The following MAB21L3 variants were observed in gnomAD, a reference collection of about 807,000 sequenced individuals.
The protein encoded by MAB21L3 is mab-21 like 3.
MAB21L3 carries 36 observed loss-of-function variants against 37.7 expected under a neutral mutation model. The ratio of observed to expected loss-of-function variants is 0.96; its 90% CI spans 0.73 to 1.26. MAB21L3 has a LOEUF of 1.26. Among genes scored for constraint, MAB21L3 ranks in the 50% most tolerant of loss-of-function variants. The pLI, the probability that MAB21L3 is intolerant of heterozygous loss-of-function variation, is 0.00. For synonymous variants in MAB21L3, 186 were observed against 176.8 expected, an observed-to-expected ratio of 1.05 and a Z score of -0.41; for missense variants, 430 against 447.3, an observed-to-expected ratio of 0.96 and a Z score of 0.35.
At chr1:116,123,139 A>G (rs1659797850) in intron 4 of MAB21L3, among the ~76,000 whole-genome samples, 1 of 152,214 alleles carries the variant, frequency 6.6e-6, no homozygotes, top group Admixed American at 6.5e-5. Flanking sequence ...GCGTGCATGC[A>G]GTGGGACATG....
chr1:116,130,573 C>G (rs1660043199), intron 7 of MAB21L3, among the ~76,000 whole-genome samples: 1 of 152,170 alleles, frequency 6.6e-6, no homozygotes, highest in Admixed American at 6.5e-5. Flanking sequence ...GGATCCTTGC[C>G]AAATCTTCAT....
chr1:116,124,266 T>C lies in MAB21L3; in HGVS notation c.390T>C (p.Asp130=). 6.2e-7 allele frequency: 1 copy of C among 1,614,190 alleles called. No individual in the cohort carries two copies. Among genetic ancestry groups the C allele is most frequent in the Non-Finnish European group, 8.5e-7 (1 of 1,180,042 alleles). Residue 130 remains aspartate (D), a synonymous_variant, in exon 5 of 8, where the codon GAT becomes GAC. Coordinates refer to ENST00000369500, the MANE Select transcript of MAB21L3 (RefSeq NM_152367.3). ...GCCTGTGGCAGTGGCATGAGACAGA[T>C]GTGAACATCGACGGAGACATTGTGC... ...MKSLWQWHET[D]VNIDGDIVPA... is the part of the protein sequence containing the mutation.
chr1:116,125,402 C>A (rs775100225), intron 5 of MAB21L3, among the ~76,000 whole-genome samples: 7 of 152,180 alleles, frequency 4.6e-5, no homozygotes, highest in Non-Finnish European at 8.8e-5. Flanking sequence ...TAGTAAATAG[C>A]TAGAAGTAAT....
Position 116,121,074 on chromosome 1 carries a change from T to C in MAB21L3, c.189+2T>C. The C allele has an allele frequency of 6.2e-7, 1 of 1,612,284 alleles. No homozygotes were observed. The highest frequency in any genetic ancestry group is 8.5e-7 in the Non-Finnish European group (1 of 1,179,064). ...GACACGTACAATGAAAATATTAAGG[T>C]AAGCAAGTCTTGCTGTCTCTAAGTG... On this transcript the variant is annotated splice_donor_variant, in intron 4 of 7. Transcript: ENST00000369500. LOFTEE classifies it high-confidence loss of function.
rs1429268447 is a variant in MAB21L3, at chr1:116,135,877, C to T, written c.*2512C>T. ...ATATAAACAGAACCAAAGACAAAAA[C>T]CACATGATTATCTCAATAGATGCAG... is the stretch of plus-strand genomic sequence containing the variant. On this transcript the variant is annotated 3_prime_UTR_variant, in exon 8 of 8. Coordinates refer to ENST00000369500, the MANE Select transcript of MAB21L3 (RefSeq NM_152367.3). Among the ~76,000 whole-genome samples, 2 of 151,166 alleles carry T rather than the reference C, an allele frequency of 1.3e-5. No individual in the cohort carries two copies. The highest frequency in any genetic ancestry group is 6.6e-5 in the Admixed American group (1 of 15,190).
rs550343049 is a variant in MAB21L3 at position 116,135,305 on chromosome 1, G to A, written c.*1940G>A. 31 of 152,082 alleles carry A rather than the reference G, an allele frequency of 2.0e-4. No homozygotes were observed. The South Asian group carries it at 5.6e-3, about 27-fold the overall frequency. The allele number at this position is 152,082 out of a possible 1,614,324, so 9.4% of individuals were successfully genotyped here. On this transcript the variant is annotated 3_prime_UTR_variant, in exon 8 of 8. Transcript: ENST00000369500. ...AAATGATAAAGGGGATATCACCACC[G>A]ATCCCACAGAAATACAAACTACCAT...
intron 3 of MAB21L3, among the ~76,000 whole-genome samples, chr1:116,115,391 TTTCC>T (rs1659558886): frequency 6.6e-6 from 1 of 151,558 alleles, no homozygotes. Flanking sequence ...TGGATTTAAC[TTTCC>T]ATTTCTTTAC....
intron 3 of MAB21L3, among the ~76,000 whole-genome samples, chr1:116,114,396 A>G (rs1659510875): frequency 6.6e-6 from 1 of 152,196 alleles, no homozygotes; most frequent in Non-Finnish European, 1.5e-5. Context: ...ATCAACAACT[A>G]TGTGATGTAC....
chr1:116,127,739 G>A, intron 6 of MAB21L3, 95 bp downstream of exon 6: 1 of 1,317,150 alleles, frequency 7.6e-7, no homozygotes, highest in Non-Finnish European at 1.0e-6. Context: ...CCGAAGGAAA[G>A]TTGAGGTGTT....
rs1659429029 is a variant in MAB21L3, at chr1:116,111,728, C to T, written c.-292C>T. ...ACCAGACGTGAGTGTTCCCTCGACT[C>T]TAAAGGGACCTGTTTACACTGACTT... is the stretch of plus-strand genomic sequence containing the variant. On this transcript the variant is annotated 5_prime_UTR_variant, in exon 2 of 8. Coordinates refer to ENST00000369500, the MANE Select transcript of MAB21L3 (RefSeq NM_152367.3). 6.6e-6 allele frequency: 1 copy of T among 151,952 alleles called. No homozygotes were observed. Among genetic ancestry groups the T allele is most frequent in the Non-Finnish European group, 1.5e-5 (1 of 68,006 alleles). The allele number at this position is 151,952 out of a possible 1,614,324, so 9.4% of individuals were successfully genotyped here.
chr1:116,126,270 ACT>A (rs1491065335), intron 5 of MAB21L3, among the ~76,000 whole-genome samples: 54 of 152,192 alleles, frequency 3.5e-4, no homozygotes, highest in Admixed American at 3.4e-3. Context: ...ACAAACAAAA[ACT>A]GTACCTTTTG....
chr1:116,119,941 G>C (rs796986527), intron 3 of MAB21L3, among the ~76,000 whole-genome samples: 3 of 152,268 alleles, frequency 2.0e-5, no homozygotes, highest in African/African-American at 7.2e-5. Context: ...GGGTCTAGAA[G>C]CAAAAGGCAG....
chr1:116,119,674 A>G (rs2101610915), intron 3 of MAB21L3, among the ~76,000 whole-genome samples: 1 of 152,298 alleles, frequency 6.6e-6, no homozygotes, highest in East Asian at 1.9e-4. Flanking sequence ...TCATGACAGC[A>G]GCTTGTAGGT....
At position 116,133,440 on chromosome 1, in the gene MAB21L3, A is replaced by G; in HGVS notation, c.*75A>G. The G allele has an allele frequency of 7.3e-7, 1 of 1,363,616 alleles. No individual in the cohort carries two copies. Among genetic ancestry groups the G allele is most frequent in the Non-Finnish European group, 1.0e-6 (1 of 967,894 alleles). The allele number at this position is 1,363,616 out of a possible 1,614,324, so 84.5% of individuals were successfully genotyped here. A position where few individuals can be genotyped will look rare whatever the true frequency, so the allele number is the denominator to read the frequency against. On this transcript the variant is annotated 3_prime_UTR_variant, in exon 8 of 8. Coordinates refer to ENST00000369500, the MANE Select transcript of MAB21L3 (RefSeq NM_152367.3). ...TTGTTCTTTGGATGGTTCCTCAGTCAGGTGCCAGGATCCTGCCTAGGAGAA... is the reference window on the plus strand; with the variant it reads ...TTGTTCTTTGGATGGTTCCTCAGTCGGGTGCCAGGATCCTGCCTAGGAGAA...
chr1:116,132,628 G>A (rs2101619720), intron 7 of MAB21L3, among the ~76,000 whole-genome samples: 1 of 152,290 alleles, frequency 6.6e-6, no homozygotes, highest in South Asian at 2.1e-4. Flanking sequence ...AGAGGGAAGA[G>A]TGAGGGCAGG....
chr1:116,117,158 CATACATAT>C (rs1553230650), intron 3 of MAB21L3, among the ~76,000 whole-genome samples: 2,928 of 86,054 alleles, frequency 0.034, 69 homozygotes, highest in African/African-American at 0.053. Context: ...TCAAAATATA[CATACATAT>C]ATATATATAT....
In MAB21L3 at chr1:116,121,315, C is replaced by A. The variant is rs189144991; in HGVS notation, c.189+243C>A. On this transcript the variant is annotated intron_variant, in intron 4 of 7. Coordinates refer to ENST00000369500, the MANE Select transcript of MAB21L3 (RefSeq NM_152367.3). The stretch of plus-strand genomic sequence containing the variant: ...CCAAGGTGGGAGGATGGCTTGAGGC[C>A]AAGAGTTTGAGACCAGCCTGGGCAA... Among the ~76,000 whole-genome samples, 219 of 151,992 alleles carry A rather than the reference C, an allele frequency of 1.4e-3. 2 individuals are homozygous for A. Among genetic ancestry groups the A allele is most frequent in the African/African-American group, 5.1e-3 (210 of 41,446 alleles).
Position 116,128,310 on chromosome 1 carries a change from A to G in MAB21L3, c.826A>G (p.Arg276Gly), listed in dbSNP as rs746283561. 1 of 1,613,402 alleles carries G rather than the reference A, an allele frequency of 6.2e-7. No individual in the cohort carries two copies. The highest frequency in any genetic ancestry group is 8.5e-7 in the Non-Finnish European group (1 of 1,179,888). The change falls in exon 7 of 8, where the codon AGG (arginine) becomes GGG (glycine). Residue 276 changes from arginine to glycine, a missense_variant. Physicochemically the swap from Arg to Gly is moderately radical, Grantham distance 125. Coordinates refer to ENST00000369500, the MANE Select transcript of MAB21L3 (RefSeq NM_152367.3). ...LKEDIWCPGN[R>G]PVITSHHLQT... ...GGAGGACATCTGGTGCCCAGGGAACAGGCCGGTTATCACGTCCCACCATCT... is the reference window on the plus strand; with the variant it reads ...GGAGGACATCTGGTGCCCAGGGAACGGGCCGGTTATCACGTCCCACCATCT...
chr1:116,113,332 A>G (rs922330305), intron 3 of MAB21L3, among the ~76,000 whole-genome samples: 6 of 152,224 alleles, frequency 3.9e-5, no homozygotes, highest in African/African-American at 1.4e-4. Flanking sequence ...AGAGAAGATC[A>G]TTATCATAGT....
Sources: allele counts gnomAD v4.1 joint callset (sites outside exome capture counted in the v4.1 genomes callset), GRCh38; gene constraint gnomAD v4.1.1; transcripts MANE v1.5; gene names NCBI Gene and HGNC (gene_info 2026-07-23, HGNC 2026-07-21).